RTL10: variants seen among roughly 807,000 people sequenced by gnomAD.
RTL10 encodes the protein retrotransposon Gag like 10, also known as protein Bop.
For missense variants in RTL10, 477 were observed against 470.7 expected, an observed-to-expected ratio of 1.01 and a Z score of -0.12; for synonymous variants, 199 against 188.4, an observed-to-expected ratio of 1.06 and a Z score of -0.46.
At chr22:19,852,684 G>A (rs1223142532) in intron 2 of RTL10, among the ~76,000 whole-genome samples, 198 bp from the exon 3 acceptor site, 2 of 152,210 alleles carry the variant, frequency 1.3e-5, no homozygotes, top group Non-Finnish European at 2.9e-5. Flanking sequence ...AAGGCAGAAT[G>A]ACAGATGCTG....
Position 19,848,079 on chromosome 22 carries a change from A to G in RTL10, c.*3088T>C, listed in dbSNP as rs1456684328. On this transcript the variant is annotated 3_prime_UTR_variant, in exon 3 of 3. Coordinates refer to ENST00000328554, the MANE Select transcript of RTL10 (RefSeq NM_024627.6). The stretch of plus-strand genomic sequence containing the variant: ...CTGTCCACATCTAAGTGCTTTAACT[A>G]TTGTGGCTTTATAAAATATTCCAAT... 8 of 985,174 alleles carry G rather than the reference A, an allele frequency of 8.1e-6. No individual in the cohort carries two copies. The highest frequency in any genetic ancestry group is 9.6e-6 in the Non-Finnish European group (8 of 829,812). 61.0% of individuals were successfully genotyped at this position (985,174 alleles called of 1,614,324 possible).
Position 19,852,049 on chromosome 22 carries a change from A to G in RTL10, c.213T>C (p.Thr71=), listed in dbSNP as rs1351363608. The G allele has an allele frequency of 6.2e-7, 1 of 1,614,174 alleles. No individual in the cohort carries two copies. The highest frequency in any genetic ancestry group is 1.7e-5 in the Admixed American group (1 of 60,032). Residue 71 remains threonine, a synonymous_variant, in exon 3 of 3, where the codon ACT becomes ACC. Coordinates refer to ENST00000328554, the MANE Select transcript of RTL10 (RefSeq NM_024627.6). ...CCCTTTCTGCAGGTTTACCGCCACA[A>G]GTGCCACTAGCTGTGCTCTTCTGCT... The part of the protein sequence containing the change: ...TMEQKSTASG[T]CGGKPAERGP...
chr22:19,851,258 T>A lies in RTL10; in HGVS notation c.1004A>T (p.Glu335Val). 6.2e-7 allele frequency: 1 copy of A among 1,609,362 alleles called. No homozygotes were observed. The highest frequency in any genetic ancestry group is 2.2e-5 in the East Asian group (1 of 44,742). The change falls in exon 3 of 3, where the codon GAG becomes GTG. Residue 335 changes from glutamate (E) to valine (V), a missense_variant. Coordinates refer to ENST00000328554, the MANE Select transcript of RTL10 (RefSeq NM_024627.6). ...QKTEEEVLET[E>V]GDQEVSLGTP... ...ACCTAAGGACACCTCCTGGTCTCCC[T>A]CTGTCTCCAAAACCTCCTCCTCTGT...
rs1468350618 is a variant in RTL10 at position 19,847,803 on chromosome 22, G to GGAAAAA, written c.*3363_*3364insTTTTTC. ...AACTTTTAAAATCCTGGAATCATAGGCAAAAAAAAAAAAAAAAAAAAATTC... is the reference window on the plus strand; with the variant it reads ...AACTTTTAAAATCCTGGAATCATAGGGAAAAACAAAAAAAAAAAAAAAAAAAAATTC... On this transcript the variant is annotated 3_prime_UTR_variant, in exon 3 of 3. Coordinates refer to ENST00000328554, the MANE Select transcript of RTL10 (RefSeq NM_024627.6). The GGAAAAA allele has an allele frequency of 7.3e-5, 32 of 440,378 alleles. 1 individual carries two copies. The African/African-American group carries it at 1.3e-3, about 18-fold the overall frequency. 27.3% of individuals were successfully genotyped at this position (440,378 alleles called of 1,614,324 possible).
rs370968587 is a variant in RTL10 at position 19,851,229 on chromosome 22, G to A, written c.1033C>T (p.Pro345Ser). 9 of 1,600,120 alleles carry A rather than the reference G, an allele frequency of 5.6e-6. No individual in the cohort carries two copies. In the African/African-American group the frequency reaches 8.0e-5, roughly 14 times the overall value. The change falls in exon 3 of 3, where the codon CCA becomes TCA. Residue 345 changes from proline to serine, a missense_variant. Transcript: ENST00000328554. Reference sequence around the variant, plus strand: ...TCCGGGGCCTCCACCACCTCCTGTGGGGTACCTAAGGACACCTCCTGGTCT... The same window carrying A: ...TCCGGGGCCTCCACCACCTCCTGTGAGGTACCTAAGGACACCTCCTGGTCT... ...EGDQEVSLGTPQEVVEAPETP... is the reference protein window; with the variant it reads ...EGDQEVSLGTSQEVVEAPETP...
In RTL10 at chr22:19,846,551, G is replaced by A. The variant is rs1476035473; in HGVS notation, c.*4616C>T. On this transcript the variant is annotated 3_prime_UTR_variant, in exon 3 of 3. Transcript: ENST00000328554. ...GCCAGGAACAGCAAAGACAAAACCA[G>A]AGAAGCCTATCGCGGGCACCGCTGT... 1.0e-6 allele frequency: 1 copy of A among 985,384 alleles called. No homozygotes were observed. Among genetic ancestry groups the A allele is most frequent in the East Asian group, 1.1e-4 (1 of 8,826 alleles). 61.0% of individuals were successfully genotyped at this position (985,384 alleles called of 1,614,324 possible).
rs34331843 is a variant in RTL10 at position 19,847,804 on chromosome 22, C to CAAAAAAAA, written c.*3355_*3362dup. Reference sequence around the variant, plus strand: ...ACTTTTAAAATCCTGGAATCATAGGCAAAAAAAAAAAAAAAAAAAAATTCA... The same window carrying CAAAAAAAA: ...ACTTTTAAAATCCTGGAATCATAGGCAAAAAAAAAAAAAAAAAAAAAAAAAAAAATTCA... On this transcript the variant is annotated 3_prime_UTR_variant, in exon 3 of 3. Coordinates refer to ENST00000328554, the MANE Select transcript of RTL10 (RefSeq NM_024627.6). The CAAAAAAAA allele has an allele frequency of 3.6e-3, 2,230 of 611,768 alleles. 94 individuals carry two copies. The African/African-American group carries it at 0.054, about 15-fold the overall frequency. The allele number at this position is 611,768 out of a possible 1,614,324, so 37.9% of individuals were successfully genotyped here.
rs1051871223 is a variant in RTL10 at position 19,849,779 on chromosome 22, T to C, written c.*1388A>G. The C allele has an allele frequency of 7.1e-6, 7 of 985,334 alleles. No homozygotes were observed. The African/African-American group carries it at 1.0e-4, about 15-fold the overall frequency. The allele number at this position is 985,334 out of a possible 1,614,324, so 61.0% of individuals were successfully genotyped here. A position where few individuals can be genotyped will look rare whatever the true frequency, so the allele number is the denominator to read the frequency against. On this transcript the variant is annotated 3_prime_UTR_variant, in exon 3 of 3. Transcript: ENST00000328554. ...CTTCCTACTTTCCAGGAAGGTGTTG[T>C]TTTGTTGTTTTCACAATTGTAAACC...
chr22:19,847,981 G>A lies in RTL10; in HGVS notation c.*3186C>T, dbSNP rs538551374. ...GAATAATCCATTTTACTCGTTAATT[G>A]GAAACACCTCTAGCCTGTACTAAAT... On this transcript the variant is annotated 3_prime_UTR_variant, in exon 3 of 3. Transcript: ENST00000328554. The A allele has an allele frequency of 2.0e-6, 2 of 985,212 alleles. No homozygotes were observed. Among genetic ancestry groups the A allele is most frequent in the African/African-American group, 1.7e-5 (1 of 57,314 alleles). 61.0% of individuals were successfully genotyped at this position (985,212 alleles called of 1,614,324 possible).
At position 19,852,081 on chromosome 22, in the gene RTL10, T is replaced by C; in HGVS notation, c.181A>G (p.Thr61Ala). Residue 61 changes from threonine (T) to alanine (A), a missense_variant, in exon 3 of 3, where the codon ACC becomes GCC. Coordinates refer to ENST00000328554, the MANE Select transcript of RTL10 (RefSeq NM_024627.6). ...CTAGCTGTGCTCTTCTGCTCCATGG[T>C]CGTTCGCACACACACGGTGTCCCCA... is the stretch of plus-strand genomic sequence containing the variant. ...CCGDTVCVRTTMEQKSTASGT... is the reference protein window; with the variant it reads ...CCGDTVCVRTAMEQKSTASGT... The C allele has an allele frequency of 6.2e-7, 1 of 1,614,162 alleles. No homozygotes were observed. Among genetic ancestry groups the C allele is most frequent in the Non-Finnish European group, 8.5e-7 (1 of 1,180,026 alleles).
Position 19,850,884 on chromosome 22 carries a change from C to G in RTL10, c.*283G>C. ...GAGAGTTGATCTACAAAACGACCCC[C>G]TCGTGGGAGCAGGCCTGGGTGAGAC... is the stretch of plus-strand genomic sequence containing the variant. On this transcript the variant is annotated 3_prime_UTR_variant, in exon 3 of 3. Transcript: ENST00000328554. The G allele has an allele frequency of 2.3e-6, 3 of 1,333,258 alleles. No individual in the cohort carries two copies. Among genetic ancestry groups the G allele is most frequent in the East Asian group, 2.7e-5 (1 of 36,518 alleles). 82.6% of individuals were successfully genotyped at this position (1,333,258 alleles called of 1,614,324 possible). A position where few individuals can be genotyped will look rare whatever the true frequency, so the allele number is the denominator to read the frequency against.
rs1370786118 is a variant in RTL10 at position 19,851,091 on chromosome 22, C to G, written c.*76G>C. The G allele has an allele frequency of 2.7e-6, 4 of 1,489,506 alleles. No homozygotes were observed. Among genetic ancestry groups the G allele is most frequent in the African/African-American group, 2.8e-5 (2 of 71,194 alleles). 92.3% of individuals were successfully genotyped at this position (1,489,506 alleles called of 1,614,324 possible). A position where few individuals can be genotyped will look rare whatever the true frequency, so the allele number is the denominator to read the frequency against. ...ATCTGGGGACACCACTCTGCTCTGA[C>G]TGGGGACTATGGGGCGCTCAAGCCA... On this transcript the variant is annotated 3_prime_UTR_variant, in exon 3 of 3. Coordinates refer to ENST00000328554, the MANE Select transcript of RTL10 (RefSeq NM_024627.6).
rs372560361 is a variant in RTL10 at position 19,848,382 on chromosome 22, A to C, written c.*2785T>G. 1.3e-5 allele frequency: 13 copies of C among 985,304 alleles called. No individual in the cohort carries two copies. Among genetic ancestry groups the C allele is most frequent in the African/African-American group, 8.7e-5 (5 of 57,220 alleles). 61.0% of individuals were successfully genotyped at this position (985,304 alleles called of 1,614,324 possible). On this transcript the variant is annotated 3_prime_UTR_variant, in exon 3 of 3. Transcript: ENST00000328554. Reference sequence around the variant, plus strand: ...TGTGTGGGGGCCAGAAGAGAAAAACAACCCAGGGGGAATGCCTCCTTCCCC... The same window carrying C: ...TGTGTGGGGGCCAGAAGAGAAAAACCACCCAGGGGGAATGCCTCCTTCCCC...
Position 19,849,430 on chromosome 22 carries a change from G to A in RTL10, c.*1737C>T, listed in dbSNP as rs111824748. 13 of 446,244 alleles carry A rather than the reference G, an allele frequency of 2.9e-5. No homozygotes were observed. Among genetic ancestry groups the A allele is most frequent in the African/African-American group, 4.3e-5 (2 of 46,016 alleles). 27.6% of individuals were successfully genotyped at this position (446,244 alleles called of 1,614,324 possible). A position where few individuals can be genotyped will look rare whatever the true frequency, so the allele number is the denominator to read the frequency against. On this transcript the variant is annotated 3_prime_UTR_variant, in exon 3 of 3. Transcript: ENST00000328554. ...GTTGTCCAGGCTGGAGTGCAATGGC[G>A]TGATCTCGGCTCACCACACCCTCTG...
chr22:19,851,306 G>A lies in RTL10; in HGVS notation c.956C>T (p.Pro319Leu). Residue 319 changes from proline (P) to leucine (L), a missense_variant, in exon 3 of 3, where the codon CCA becomes CTA. Transcript: ENST00000328554. ...PPAQRPDPAH[P>L]GGPKPQKTEE... ...TGTTTTCTGGGGTTTTGGACCTCCT[G>A]GATGAGCTGGGTCTGGTCTCTGGGC... is the stretch of plus-strand genomic sequence containing the variant. 1 of 1,614,020 alleles carries A rather than the reference G, an allele frequency of 6.2e-7. No homozygotes were observed. The highest frequency in any genetic ancestry group is 8.5e-7 in the Non-Finnish European group (1 of 1,179,962).
In RTL10 at chr22:19,850,432, A is replaced by G. The variant is rs1938066898; in HGVS notation, c.*735T>C. On this transcript the variant is annotated 3_prime_UTR_variant, in exon 3 of 3. Transcript: ENST00000328554. ...GGGGATGGCAGCACAGCAGCAGGGA[A>G]GAGGAGCCTGCTTCAGAACACCAGG... The G allele has an allele frequency of 1.9e-5, 19 of 992,776 alleles. No homozygotes were observed. The highest frequency in any genetic ancestry group is 2.3e-5 in the Non-Finnish European group (19 of 835,096). The allele number at this position is 992,776 out of a possible 1,614,324, so 61.5% of individuals were successfully genotyped here.
Position 19,849,380 on chromosome 22 carries a change from T to C in RTL10, c.*1787A>G, listed in dbSNP as rs986704631. 1 of 853,410 alleles carries C rather than the reference T, an allele frequency of 1.2e-6. No homozygotes were observed. The highest frequency in any genetic ancestry group is 1.9e-5 in the African/African-American group (1 of 53,354). 52.9% of individuals were successfully genotyped at this position (853,410 alleles called of 1,614,324 possible). On this transcript the variant is annotated 3_prime_UTR_variant, in exon 3 of 3. Transcript: ENST00000328554. ...GGTTTTTGTTTTTTGTTGTTTTTTT[T>C]TTTTTGGGATGGAGTTTCACTCTTG...
In RTL10 at chr22:19,852,411, G is replaced by C; in HGVS notation, c.-150C>G. ...GTCCAGGCAAGTGCTGAGGATCAGG[G>C]AGCTGACAGCTGCAGCCTCAGGAGA... On this transcript the variant is annotated 5_prime_UTR_variant, in exon 3 of 3. Transcript: ENST00000328554. The C allele has an allele frequency of 2.5e-6, 2 of 789,874 alleles. No homozygotes were observed. Among genetic ancestry groups the C allele is most frequent in the Non-Finnish European group, 4.1e-6 (2 of 492,412 alleles). The allele number at this position is 789,874 out of a possible 1,614,324, so 48.9% of individuals were successfully genotyped here.
At chr22:19,853,997 C>A (rs1030093243) in intron 2 of RTL10, among the ~76,000 whole-genome samples, 1 of 152,192 alleles carries the variant, frequency 6.6e-6, no homozygotes, top group South Asian at 2.1e-4. Flanking sequence ...CACTCACCTG[C>A]GCACCTGTGT....
Sources: gnomAD v4.1 joint callset for allele counts (sites outside exome capture counted in the v4.1 genomes callset) on GRCh38, gnomAD v4.1.1 for gene constraint, MANE v1.5 for transcripts, NCBI Gene and HGNC (gene_info 2026-07-23, HGNC 2026-07-21) for gene names.